SNX14: variants seen among roughly 807,000 people sequenced by gnomAD.
SNX14 encodes sorting nexin-14.
Under a neutral mutation model 133.8 loss-of-function variants are expected in SNX14, and 93 were observed. The observed-to-expected ratio is 0.70, with a 90% CI of 0.59 to 0.83. SNX14 has a LOEUF of 0.83. SNX14 is among the 40% of genes least tolerant of loss of function. SNX14 has a pLI of 0.00. For synonymous variants in SNX14, 368 were observed against 365.6 expected, an observed-to-expected ratio of 1.01 and a Z score of -0.07; for missense variants, 945 against 1,094.9, an observed-to-expected ratio of 0.86 and a Z score of 1.93.
intron 1 of SNX14, among the ~76,000 whole-genome samples, chr6:85,591,748 G>A (rs1003499915): frequency 6.6e-6 from 1 of 152,184 alleles, no homozygotes; most frequent in East Asian, 1.9e-4. Flanking sequence ...AGTCGCTCAC[G>A]CCTGTAATCC....
intron 1 of SNX14, among the ~76,000 whole-genome samples, chr6:85,585,879 T>C (rs751678353): frequency 4.0e-5 from 6 of 151,650 alleles, no homozygotes; most frequent in Non-Finnish European, 7.4e-5. Context: ...TCGGTGGACA[T>C]TAACTGAACC....
intron 1 of SNX14, chr6:85,581,863 G>C (rs1260024205): frequency 6.6e-6 from 1 of 152,078 alleles, no homozygotes; most frequent in Non-Finnish European, 1.5e-5. Flanking sequence ...CCTTGAAAGG[G>C]CAAATCTAAG....
intron 18 of SNX14, 97 bp from the exon 19 acceptor site, chr6:85,530,372 C>T (rs1036521095): frequency 1.5e-5 from 11 of 748,172 alleles, no homozygotes; most frequent in South Asian, 4.1e-5. Context: ...TGGCTAGACA[C>T]GGTGGCTCAC....
chr6:85,556,561 C>T (rs529948403), intron 7 of SNX14, among the ~76,000 whole-genome samples: 2 of 150,730 alleles, frequency 1.3e-5, no homozygotes, highest in African/African-American at 2.4e-5. Context: ...ACCTCCGCCT[C>T]CTGGGTTCAA....
At chr6:85,526,295 A>G in intron 20 of SNX14, 58 bp from the exon 21 acceptor site, 1 of 1,026,726 alleles carries the variant, frequency 9.7e-7, no homozygotes. Flanking sequence ...AGTAGTCAAA[A>G]CTGTATTTTA....
At chr6:85,506,501 A>G (rs867026809) in intron 28 of SNX14, among the ~76,000 whole-genome samples, 6 of 152,110 alleles carry the variant, frequency 3.9e-5, no homozygotes, top group Admixed American at 2.0e-4. Flanking sequence ...TATTTTTAGT[A>G]GAGACAGGGT....
Position 85,549,786 on chromosome 6 carries a change from T to C in SNX14, c.728A>G (p.Tyr243Cys). Residue 243 changes from tyrosine (Y) to cysteine (C), a missense_variant, in exon 8 of 29, where the codon TAT becomes TGT. Tyr to Cys is a radical substitution (Grantham distance 194). Coordinates refer to ENST00000314673, the MANE Select transcript of SNX14 (RefSeq NM_153816.6). ...ALRSRRDELH[Y>C]LRKLTELLFP... ...AAGCAGTTCAGTAAGTTTCCTTAAA[T>C]AGTGCAATTCATCTCTTCGACTTCT... 1 of 1,614,052 alleles carries C rather than the reference T, an allele frequency of 6.2e-7. No individual in the cohort carries two copies. The highest frequency in any genetic ancestry group is 2.2e-5 in the East Asian group (1 of 44,856).
intron 16 of SNX14, among the ~76,000 whole-genome samples, chr6:85,537,434 G>A (rs968851899): frequency 8.5e-4 from 130 of 152,214 alleles, no homozygotes; most frequent in African/African-American, 2.9e-3. Context: ...AAAGGGAAAG[G>A]TTAGCAATGA....
intron 15 of SNX14, 47 bp downstream of exon 15, chr6:85,541,938 T>C (rs1201343304): frequency 4.3e-6 from 6 of 1,405,232 alleles, no homozygotes; most frequent in Non-Finnish European, 4.9e-6. Context: ...GATGCTATCA[T>C]AGAATGACTG....
At chr6:85,527,516 A>G (rs1474515089) in intron 20 of SNX14, among the ~76,000 whole-genome samples, 1 of 152,060 alleles carries the variant, frequency 6.6e-6, no homozygotes, top group Admixed American at 6.5e-5. Flanking sequence ...TTGGCTAGGA[A>G]GCATCCAAAT....
chr6:85,533,853 C>T (rs1781008780), intron 17 of SNX14, 53 bp from the exon 18 acceptor site: 1 of 1,406,200 alleles, frequency 7.1e-7, no homozygotes. Context: ...TTTAGAACTA[C>T]AGCATATGAG....
At chr6:85,548,538 C>T (rs1007991453) in intron 8 of SNX14, among the ~76,000 whole-genome samples, 162 bp from the exon 9 acceptor site, 7 of 152,298 alleles carry the variant, frequency 4.6e-5, no homozygotes, top group Non-Finnish European at 1.0e-4. Context: ...AAACTCTCAA[C>T]CAATGTTCAT....
At chr6:85,553,113 C>T (rs560228219) in intron 7 of SNX14, among the ~76,000 whole-genome samples, 2 of 152,324 alleles carry the variant, frequency 1.3e-5, no homozygotes, top group African/African-American at 4.8e-5. Flanking sequence ...GCCTGTTCTC[C>T]TTGTTAGCAA....
intron 28 of SNX14, 97 bp from the exon 29 acceptor site, chr6:85,506,102 A>G (rs1392103976): frequency 3.8e-6 from 3 of 786,424 alleles, no homozygotes; most frequent in Non-Finnish European, 6.5e-6. Flanking sequence ...AACCTAAGAC[A>G]TATATATTGT....
At chr6:85,517,911 A>C in intron 22 of SNX14, 36 bp from the exon 23 acceptor site, 1 of 1,578,636 alleles carries the variant, frequency 6.3e-7, no homozygotes, top group Non-Finnish European at 8.6e-7. Context: ...AATAAAAAAT[A>C]AAGGTAATTT....
chr6:85,553,433 G>A (rs1380698539), intron 7 of SNX14, among the ~76,000 whole-genome samples: 1 of 152,156 alleles, frequency 6.6e-6, no homozygotes, highest in East Asian at 1.9e-4. Flanking sequence ...CTAAGTCCCA[G>A]CTCTGCTTCT....
In SNX14 at chr6:85,593,580, T is replaced by C; in HGVS notation, c.139A>G (p.Arg47Gly). Reference sequence around the variant, plus strand: ...CCAGGCTCCGCGCTGCGGCGTTACCTGTTAAGAAGCAGGGAGGCGGCGCTG... The same window carrying C: ...CCAGGCTCCGCGCTGCGGCGTTACCCGTTAAGAAGCAGGGAGGCGGCGCTG... The part of the protein sequence containing the change: ...CLSAASLLLN[R>G]YIHILMIFWS... The change falls in exon 1 of 29, where the codon AGG becomes GGG. Residue 47 changes from arginine (R) to glycine (G), a missense_variant and splice_region_variant. Arg to Gly is a moderately radical substitution (Grantham distance 125). Coordinates refer to ENST00000314673, the MANE Select transcript of SNX14 (RefSeq NM_153816.6). 1.2e-6 allele frequency: 2 copies of C among 1,610,254 alleles called. No homozygotes were observed.
chr6:85,530,031 A>C (rs566357082), intron 19 of SNX14, among the ~76,000 whole-genome samples, 161 bp downstream of exon 19: 4 of 152,348 alleles, frequency 2.6e-5, no homozygotes, highest in African/African-American at 7.2e-5. Context: ...AATAAAAATA[A>C]GATAAACAGT....
At chr6:85,566,743 C>T (rs1304012044) in intron 5 of SNX14, among the ~76,000 whole-genome samples, 1 of 151,506 alleles carries the variant, frequency 6.6e-6, no homozygotes, top group East Asian at 1.9e-4. Context: ...TATACTGAAT[C>T]AATATAAAAT....
Sources: gnomAD v4.1 joint callset for allele counts (sites outside exome capture counted in the v4.1 genomes callset) on GRCh38, gnomAD v4.1.1 for gene constraint, MANE v1.5 for transcripts, NCBI Gene and HGNC (gene_info 2026-07-23, HGNC 2026-07-21) for gene names.